ATXN7L1: variants seen among roughly 807,000 people sequenced by gnomAD.
ATXN7L1 encodes the protein ataxin-7-like protein 1.
Under a neutral mutation model 70.8 loss-of-function variants are expected in ATXN7L1, and 15 were observed. The ratio of observed to expected loss-of-function variants is 0.21; its 90% confidence interval spans 0.14 to 0.33. ATXN7L1 has a LOEUF of 0.33. ATXN7L1 is among the 10% of genes least tolerant of loss of function. ATXN7L1 has a pLI of 1.00. For missense variants in ATXN7L1, 975 were observed against 1,097.1 expected, an observed-to-expected ratio of 0.89 and a Z score of 1.57; for synonymous variants, 440 against 445.1, an observed-to-expected ratio of 0.99 and a Z score of 0.14.
intron 7 of ATXN7L1, among the ~76,000 whole-genome samples, chr7:105,633,375 A>T (rs2115866731): frequency 6.6e-6 from 1 of 152,334 alleles, no homozygotes; most frequent in South Asian, 2.1e-4. Context: ...CATTCTAATT[A>T]TTTAAGCACA....
At chr7:105,673,512 C>T (rs1360284604) in intron 3 of ATXN7L1, among the ~76,000 whole-genome samples, 2 of 152,258 alleles carry the variant, frequency 1.3e-5, no homozygotes, top group Non-Finnish European at 2.9e-5. Context: ...TCAGCCCCCA[C>T]TTTTGAGGGC....
At chr7:105,758,624 C>T (rs375197164) in intron 3 of ATXN7L1, among the ~76,000 whole-genome samples, 1 of 152,376 alleles carries the variant, frequency 6.6e-6, no homozygotes, top group African/African-American at 2.4e-5. Context: ...GGGGCCCTCC[C>T]CTGCCTGTGC....
At chr7:105,673,536 G>A (rs1804103628) in intron 3 of ATXN7L1, among the ~76,000 whole-genome samples, 1 of 152,240 alleles carries the variant, frequency 6.6e-6, no homozygotes, top group African/African-American at 2.4e-5. Flanking sequence ...TGCTTGGCAA[G>A]TCATTAGCCG....
chr7:105,818,899 T>C (rs376609139), intron 2 of ATXN7L1, among the ~76,000 whole-genome samples: 13,789 of 152,014 alleles, frequency 0.091, 842 homozygotes, highest in Middle Eastern at 0.17. Flanking sequence ...CTGCATTTTT[T>C]TTTTTTTTTA....
Position 105,875,830 on chromosome 7 carries a change from T to C in ATXN7L1, c.232A>G (p.Met78Val), listed in dbSNP as rs1234626375. 6.2e-7 allele frequency: 1 copy of C among 1,613,466 alleles called. No homozygotes were observed. The highest frequency in any genetic ancestry group is 1.1e-5 in the South Asian group (1 of 91,062). Residue 78 changes from methionine to valine, a missense_variant, in exon 2 of 12, where the codon ATG becomes GTG. This residue lies in a region of ATXN7L1 where 135 missense variants were observed against 132.6 expected (regional missense o/e 1.02). Transcript: ENST00000419735. ...GKEGGKSREV[M>V]RLNKEDMHLF... ...CACTTACCTTCTTTATTAAGCCTCA[T>C]AACCTCCCTGCTTTTTCCACCCTCT... is the stretch of plus-strand genomic sequence containing the variant.
Position 105,876,369 on chromosome 7 carries a change from G to A in ATXN7L1, c.181+9C>T, listed in dbSNP as rs776666163. On this transcript the variant is annotated intron_variant, in intron 1 of 11. Coordinates refer to ENST00000419735, the MANE Select transcript of ATXN7L1 (RefSeq NM_020725.2). Reference sequence around the variant, plus strand: ...TAATAAAAGGAGGAGGAGGTGGTGGGGTTCTTACTGTCGGAGCAGTGTAAT... The same window carrying A: ...TAATAAAAGGAGGAGGAGGTGGTGGAGTTCTTACTGTCGGAGCAGTGTAAT... 1.1e-5 allele frequency: 17 copies of A among 1,594,496 alleles called. No homozygotes were observed. Among genetic ancestry groups the A allele is most frequent in the South Asian group, 7.9e-5 (7 of 88,372 alleles).
intron 2 of ATXN7L1, among the ~76,000 whole-genome samples, chr7:105,795,545 T>A (rs1290654685): frequency 6.6e-6 from 1 of 152,142 alleles, no homozygotes; most frequent in African/African-American, 2.4e-5. Context: ...GGCTCGAGAC[T>A]TTGACATTAT....
In ATXN7L1 at chr7:105,731,712, G is replaced by C. The variant is rs572110494; in HGVS notation, c.355+56892C>G. On this transcript the variant is annotated intron_variant, in intron 3 of 11. Coordinates refer to ENST00000419735, the MANE Select transcript of ATXN7L1 (RefSeq NM_020725.2). Reference sequence around the variant, plus strand: ...CACCTCCCAAAGTGCTGGGATTATAGGCGTGAGCCACTGCACCTGGGCTTT... The same window carrying C: ...CACCTCCCAAAGTGCTGGGATTATACGCGTGAGCCACTGCACCTGGGCTTT... Among the ~76,000 whole-genome samples, 6 of 100,012 alleles carry C rather than the reference G, an allele frequency of 6.0e-5. No homozygotes were observed. The South Asian group carries it at 1.8e-3, about 29-fold the overall frequency. The allele number at this position is 100,012 out of a possible 152,430, so 65.6% of individuals were successfully genotyped here.
intron 3 of ATXN7L1, among the ~76,000 whole-genome samples, chr7:105,739,821 A>G (rs1394445750): frequency 2.0e-5 from 3 of 152,240 alleles, no homozygotes; most frequent in African/African-American, 7.2e-5. Flanking sequence ...TCAGTCGGCA[A>G]CATGACCTCT....
intron 2 of ATXN7L1, among the ~76,000 whole-genome samples, chr7:105,856,619 A>G (rs898556446): frequency 7.3e-5 from 11 of 151,468 alleles, no homozygotes; most frequent in Non-Finnish European, 5.9e-5. Context: ...TAAATATTTT[A>G]TTCTTTATAA....
chr7:105,641,194 TTCTCTC>T (rs1239270241), intron 5 of ATXN7L1, among the ~76,000 whole-genome samples: 21 of 106,020 alleles, frequency 2.0e-4, no homozygotes, highest in East Asian at 4.5e-4. Flanking sequence ...TGTCTGCCTT[TTCTCTC>T]TCTCTCTCTC....
At chr7:105,712,680 C>T (rs1428110051) in intron 3 of ATXN7L1, among the ~76,000 whole-genome samples, 2 of 152,184 alleles carry the variant, frequency 1.3e-5, no homozygotes, top group Non-Finnish European at 2.9e-5. Flanking sequence ...CAAGAAGTTC[C>T]TCATTCCCAT....
At chr7:105,821,095 G>A (rs1317007187) in intron 2 of ATXN7L1, among the ~76,000 whole-genome samples, 2 of 152,130 alleles carry the variant, frequency 1.3e-5, no homozygotes, top group African/African-American at 2.4e-5. Context: ...GCTGGAGTGC[G>A]ATGGCGTGAT....
intron 3 of ATXN7L1, among the ~76,000 whole-genome samples, chr7:105,690,131 A>G (rs959232932): frequency 4.6e-5 from 7 of 152,106 alleles, no homozygotes; most frequent in African/African-American, 1.7e-4. Context: ...CAGCCTCCCG[A>G]GTAGCTGGGA....
At chr7:105,645,889 C>CCCAG (rs1258434891) in intron 4 of ATXN7L1, among the ~76,000 whole-genome samples, 1 of 151,952 alleles carries the variant, frequency 6.6e-6, no homozygotes, top group African/African-American at 2.4e-5. Flanking sequence ...TGCCTGTAAT[C>CCCAG]CCAGCTACTC....
rs1801631510 is a variant in ATXN7L1 at position 105,661,675 on chromosome 7, T to C, written c.578+3391A>G. On this transcript the variant is annotated intron_variant, in intron 4 of 11. Coordinates refer to ENST00000419735, the MANE Select transcript of ATXN7L1 (RefSeq NM_020725.2). ...ATAGCTCAGAACTGAGGCTGAGCCC[T>C]CTAAGGCTCAAAACCAAATCATCCC... Among the ~76,000 whole-genome samples, 3 of 152,282 alleles carry C rather than the reference T, an allele frequency of 2.0e-5. No individual in the cohort carries two copies. The South Asian group carries it at 6.2e-4, about 32-fold the overall frequency.
chr7:105,773,756 C>G lies in ATXN7L1; in HGVS notation c.355+14848G>C, dbSNP rs182035550. ...TGCCGGCTGAATAATGAAACAAATA[C>G]AAAAAAGAAACCCCCTAACAACTTA... On this transcript the variant is annotated intron_variant, in intron 3 of 11. Transcript: ENST00000419735. Among the ~76,000 whole-genome samples the G allele has an allele frequency of 3.4e-3, 524 of 152,054 alleles. 2 individuals carry two copies. The highest frequency in any genetic ancestry group is 0.01 in the Admixed American group (159 of 15,278).
intron 2 of ATXN7L1, among the ~76,000 whole-genome samples, chr7:105,824,066 T>C (rs1810516221): frequency 6.6e-6 from 1 of 152,152 alleles, no homozygotes; most frequent in Admixed American, 6.5e-5. Flanking sequence ...GCCACTCTCA[T>C]GGCGTGATGC....
intron 3 of ATXN7L1, among the ~76,000 whole-genome samples, chr7:105,747,202 C>T (rs953102128): frequency 6.6e-5 from 10 of 152,136 alleles, no homozygotes; most frequent in Admixed American, 1.3e-4. Flanking sequence ...GATTAGAGGG[C>T]GGGGACTTTC....
Sources: allele counts gnomAD v4.1 joint callset (sites outside exome capture counted in the v4.1 genomes callset), GRCh38; gene constraint gnomAD v4.1.1; regional missense constraint gnomAD v4.1.1; transcripts MANE v1.5; gene names NCBI Gene and HGNC (gene_info 2026-07-23, HGNC 2026-07-21).